Variants in PRDM7 observed in about 807,000 individuals in gnomAD.
PRDM7 encodes the protein histone-lysine N-methyltransferase PRDM7.
PRDM7 carries 52 observed loss-of-function variants against 64.3 expected under a neutral mutation model. That is an observed-to-expected ratio of 0.81 (90% CI 0.65 to 1.02). The LOEUF is 1.02. PRDM7 is among the 50% of genes least tolerant of loss of function. PRDM7 has a pLI of 0.00. For missense variants in PRDM7, 574 were observed against 597.1 expected (o/e 0.96, Z 0.40); for synonymous variants, 192 against 210.1 (o/e 0.91, Z 0.74).
At position 90,075,309 on chromosome 16, in the gene PRDM7, T is replaced by C; in HGVS notation, c.193+42A>G. On this transcript the variant is annotated intron_variant, in intron 3 of 10. Transcript: ENST00000449207. The surrounding 1 kb of genome is among the most constrained non-coding windows in gnomAD (Gnocchi z 4.3). ...ATAATATAGGGACCAAAGACCTGTTTTATATCGCCCAGGCTGGTCTGTGCC... is the reference window on the plus strand; with the variant it reads ...ATAATATAGGGACCAAAGACCTGTTCTATATCGCCCAGGCTGGTCTGTGCC... 2 of 1,614,110 alleles carry C rather than the reference T, an allele frequency of 1.2e-6. No individual in the cohort carries two copies. Among genetic ancestry groups the C allele is most frequent in the Non-Finnish European group, 1.7e-6 (2 of 1,179,970 alleles).
chr16:90,074,355 T>C (rs1217704579), intron 4 of PRDM7, among the ~76,000 whole-genome samples: 1 of 151,816 alleles, frequency 6.6e-6, no homozygotes, highest in African/African-American at 2.4e-5. Flanking sequence ...GGCAGGCGGA[T>C]CACTTGAGGC....
At chr16:90,073,420 G>A (rs887804771) in intron 4 of PRDM7, among the ~76,000 whole-genome samples, 2 of 145,336 alleles carry the variant, frequency 1.4e-5, no homozygotes, top group Non-Finnish European at 3.0e-5. Flanking sequence ...TTTTTTTTGA[G>A]ATGGAGTCTC....
rs769511675 is a variant in PRDM7, at chr16:90,058,424, G to A, written c.1344C>T (p.Asp448=). The A allele has an allele frequency of 2.5e-6, 4 of 1,614,066 alleles. No individual in the cohort carries two copies. In the East Asian group the frequency reaches 6.7e-5, roughly 27 times the overall value. Residue 448 remains aspartate, a synonymous_variant, in exon 11 of 11, where the codon GAC becomes GAT. Coordinates refer to ENST00000449207, the MANE Select transcript of PRDM7 (RefSeq NM_001098173.2). The part of the protein sequence containing the change: ...NAITPLRTSQ[D]HLQENFSNQR... ...GGTTGGAGAAGTTTTCTTGCAGATGGTCCTGGGAAGTTCTGAGAGGAGTGA... is the reference window on the plus strand; with the variant it reads ...GGTTGGAGAAGTTTTCTTGCAGATGATCCTGGGAAGTTCTGAGAGGAGTGA...
At chr16:90,064,732 T>C (rs2037843577) in intron 5 of PRDM7, among the ~76,000 whole-genome samples, 1 of 143,714 alleles carries the variant, frequency 7.0e-6, no homozygotes, top group Admixed American at 6.9e-5. Context: ...TTCTTTTTTT[T>C]TTTTGAGAGG....
At chr16:90,074,860 CAA>C in intron 4 of PRDM7, 54 bp downstream of exon 4, 1 of 1,566,688 alleles carries the variant, frequency 6.4e-7, no homozygotes, top group Non-Finnish European at 8.7e-7. Flanking sequence ...GCCTGGGCAA[CAA>C]GAGCGAAACT....
chr16:90,075,100 AC>A lies in PRDM7; in HGVS notation c.194-78del. The A allele has an allele frequency of 6.6e-7, 1 of 1,507,156 alleles. No individual in the cohort carries two copies. Among genetic ancestry groups the A allele is most frequent in the Non-Finnish European group, 9.2e-7 (1 of 1,086,662 alleles). 93.4% of individuals were successfully genotyped at this position (1,507,156 alleles called of 1,614,324 possible). A position where few individuals can be genotyped will look rare whatever the true frequency, so the allele number is the denominator to read the frequency against. Reference sequence around the variant, plus strand: ...ACAAAGGGCAGTGGCAATGGAAAGCACCACAAAGCCAGTGCTGCTCAGTCTG... The same window carrying A: ...ACAAAGGGCAGTGGCAATGGAAAGCACACAAAGCCAGTGCTGCTCAGTCTG... On this transcript the variant is annotated intron_variant, in intron 3 of 10. Coordinates refer to ENST00000449207, the MANE Select transcript of PRDM7 (RefSeq NM_001098173.2). This position sits in a 1 kb window ranked among gnomAD's most constrained non-coding sequence, Gnocchi z 4.3.
chr16:90,066,800 C>G, intron 5 of PRDM7, 61 bp downstream of exon 5: 1 of 1,431,334 alleles, frequency 7.0e-7, no homozygotes, highest in Non-Finnish European at 9.8e-7. Flanking sequence ...TTCTCCTTCT[C>G]TTACCTGTAT....
In PRDM7 at chr16:90,062,121, T is replaced by C; in HGVS notation, c.682A>G (p.Ser228Gly). ...TTGGGATGCCCCTTGTCCACTGCAC[T>C]GTCCTTTACAAATGTAGGGGGCCCA... The part of the protein sequence containing the change: ...AHGPPTFVKD[S>G]AVDKGHPNRS... Residue 228 changes from serine (S) to glycine (G), a missense_variant, in exon 8 of 11, where the codon AGT becomes GGT. Physicochemically the swap from Ser to Gly is moderately conservative, Grantham distance 56. Coordinates refer to ENST00000449207, the MANE Select transcript of PRDM7 (RefSeq NM_001098173.2). The C allele has an allele frequency of 6.2e-7, 1 of 1,614,268 alleles. No individual in the cohort carries two copies. The highest frequency in any genetic ancestry group is 8.5e-7 in the Non-Finnish European group (1 of 1,180,050).
In PRDM7 at chr16:90,069,604, T is replaced by C. The variant is rs1234579066; in HGVS notation, c.302-2694A>G. Reference sequence around the variant, plus strand: ...AGTGGAAGAAAATATATGCAAACCATGTATCTGATAAAGGGTTAATGTTGC... The same window carrying C: ...AGTGGAAGAAAATATATGCAAACCACGTATCTGATAAAGGGTTAATGTTGC... On this transcript the variant is annotated intron_variant, in intron 4 of 10. Coordinates refer to ENST00000449207, the MANE Select transcript of PRDM7 (RefSeq NM_001098173.2). Among the ~76,000 whole-genome samples, 16 of 151,150 alleles carry C rather than the reference T, an allele frequency of 1.1e-4. 1 individual carries two copies. Among genetic ancestry groups the C allele is most frequent in the Admixed American group, 1.1e-3 (16 of 15,226 alleles).
At chr16:90,061,749 T>C (rs943266036) in intron 8 of PRDM7, among the ~76,000 whole-genome samples, 172 bp downstream of exon 8, 1 of 152,214 alleles carries the variant, frequency 6.6e-6, no homozygotes, top group Non-Finnish European at 1.5e-5. Context: ...TCTGCTCCCA[T>C]GTACCCTGTG....
At chr16:90,065,192 A>G (rs1463142531) in intron 5 of PRDM7, among the ~76,000 whole-genome samples, 1 of 149,144 alleles carries the variant, frequency 6.7e-6, no homozygotes. Context: ...ACCTGAGGTC[A>G]GGAATTTGAG....
At chr16:90,071,332 A>G (rs2037952380) in intron 4 of PRDM7, among the ~76,000 whole-genome samples, 1 of 152,144 alleles carries the variant, frequency 6.6e-6, no homozygotes, top group Admixed American at 6.5e-5. Context: ...GGTTTTGCCA[A>G]GCTGGCGAGG....
chr16:90,056,883 G>A lies in PRDM7; in HGVS notation c.*1406C>T, dbSNP rs186679619. On this transcript the variant is annotated 3_prime_UTR_variant, in exon 11 of 11. Coordinates refer to ENST00000449207, the MANE Select transcript of PRDM7 (RefSeq NM_001098173.2). ...CAGGCCGGCCCAGGCCTGGTTTCGGGTCTGGTTCCTTGGTTTCAGGTCTGG... is the reference window on the plus strand; with the variant it reads ...CAGGCCGGCCCAGGCCTGGTTTCGGATCTGGTTCCTTGGTTTCAGGTCTGG... 1.4e-4 allele frequency: 22 copies of A among 152,362 alleles called. No homozygotes were observed. The highest frequency in any genetic ancestry group is 5.1e-4 in the African/African-American group (21 of 41,568). The allele number at this position is 152,362 out of a possible 1,614,324, so 9.4% of individuals were successfully genotyped here.
At chr16:90,072,215 A>AGCGAG (rs2037969072) in intron 4 of PRDM7, among the ~76,000 whole-genome samples, 1 of 149,398 alleles carries the variant, frequency 6.7e-6, no homozygotes, top group Admixed American at 6.8e-5. Context: ...TGGGCGACAG[A>AGCGAG]GCGAGACTCC....
At chr16:90,067,900 A>T (rs1441014212) in intron 4 of PRDM7, among the ~76,000 whole-genome samples, 1 of 151,210 alleles carries the variant, frequency 6.6e-6, no homozygotes, top group Non-Finnish European at 1.5e-5. Flanking sequence ...GAAAAGCCAA[A>T]TTTTTAACAT....
intron 7 of PRDM7, 57 bp from the exon 8 acceptor site, chr16:90,062,249 G>C: frequency 6.2e-7 from 1 of 1,614,158 alleles, no homozygotes; most frequent in Non-Finnish European, 8.5e-7. Context: ...CTTGATATAA[G>C]AGCTTCAGAA....
intron 1 of PRDM7, among the ~76,000 whole-genome samples, chr16:90,076,931 T>C (rs190123840): frequency 2.0e-5 from 3 of 152,192 alleles, no homozygotes; most frequent in Admixed American, 2.0e-4. Flanking sequence ...CTGAGATATT[T>C]AGGGTTCCTC....
intron 4 of PRDM7, 57 bp from the exon 5 acceptor site, chr16:90,066,967 A>C: frequency 6.9e-7 from 1 of 1,456,922 alleles, no homozygotes; most frequent in Non-Finnish European, 9.6e-7. Flanking sequence ...AACTCTAGAG[A>C]TTTTTTTTTC....
rs781356372 is a variant in PRDM7 at position 90,063,788 on chromosome 16, T to C, written c.352-20A>G. ...CATTCCCTTTAATGTGAGAATCACA[T>C]ATTAAAAGACAACGTGCATTTATTT... On this transcript the variant is annotated intron_variant, in intron 5 of 10. Coordinates refer to ENST00000449207, the MANE Select transcript of PRDM7 (RefSeq NM_001098173.2). The C allele has an allele frequency of 1.9e-6, 3 of 1,613,562 alleles. No homozygotes were observed.
Sources: allele counts gnomAD v4.1 joint callset (sites outside exome capture counted in the v4.1 genomes callset), GRCh38; gene constraint gnomAD v4.1.1; non-coding constraint Gnocchi (gnomAD v3.1); transcripts MANE v1.5; gene names NCBI Gene and HGNC (gene_info 2026-07-23, HGNC 2026-07-21).